The following CTNNA2 variants were observed in gnomAD, a reference collection of about 807,000 sequenced individuals.
CTNNA2 encodes the protein catenin alpha 2.
CTNNA2 carries 42 observed loss-of-function variants against 101.0 expected under a neutral mutation model. The ratio of observed to expected loss-of-function variants is 0.42; its 90% CI spans 0.32 to 0.54. The LOEUF (loss-of-function observed/expected upper bound fraction) is 0.54. Among genes scored for constraint, CTNNA2 ranks in the 20% least tolerant of loss-of-function variants. The pLI is 0.14. For missense variants in CTNNA2, 871 were observed against 1,223.1 expected, an observed-to-expected ratio of 0.71 and a Z score of 4.29; for synonymous variants, 450 against 456.4, an observed-to-expected ratio of 0.99 and a Z score of 0.18.
At chr2:79,217,567 C>T (rs919531411) in intron 2 of CTNNA2, among the ~76,000 whole-genome samples, 1 of 152,090 alleles carries the variant, frequency 6.6e-6, no homozygotes, top group African/African-American at 2.4e-5. Context: ...AGGAATTTCA[C>T]AAGGAGTTAA....
At chr2:79,720,489 T>C (rs557689230) in intron 2 of CTNNA2, among the ~76,000 whole-genome samples, 2 of 152,264 alleles carry the variant, frequency 1.3e-5, no homozygotes, top group South Asian at 2.1e-4. Flanking sequence ...GGCACTATGG[T>C]CATTTTAACA....
intron 1 of CTNNA2, among the ~76,000 whole-genome samples, chr2:79,535,446 C>T (rs953145568): frequency 1.6e-4 from 25 of 152,056 alleles, no homozygotes; most frequent in Non-Finnish European, 2.8e-4. Context: ...CCTCGTGATC[C>T]GCCTGCCTCA....
At chr2:79,810,073 A>T (rs551156912) in intron 3 of CTNNA2, among the ~76,000 whole-genome samples, 6 of 152,340 alleles carry the variant, frequency 3.9e-5, no homozygotes, top group South Asian at 2.1e-4. Flanking sequence ...ACAAGTAACA[A>T]TATTAACCTT....
At chr2:79,747,487 G>C (rs1055513790) in intron 3 of CTNNA2, among the ~76,000 whole-genome samples, 2 of 152,170 alleles carry the variant, frequency 1.3e-5, no homozygotes, top group Admixed American at 6.5e-5. Context: ...ATAGTAGAGA[G>C]TGGTTTGATT....
rs61186189 is a variant in CTNNA2 at position 80,547,690 on chromosome 2, C to CTTTTTTTTTTTTTTTTTTTTTTT, written c.1540+1643_1540+1644insTTTTTTTTTTTTTTTTTTTTTTT. ...AGAACTCAATATATTGTCACTTCTG[C>CTTTTTTTTTTTTTTTTTTTTTTT]TTTTTTTTTTTTTTTTGAGATGGAG... On this transcript the variant is annotated intron_variant, in intron 11 of 18. Coordinates refer to ENST00000402739, the MANE Select transcript of CTNNA2 (RefSeq NM_001282597.3). 1.6e-5 allele frequency among the ~76,000 whole-genome samples: 2 copies of CTTTTTTTTTTTTTTTTTTTTTTT among 124,314 alleles called. 1 individual carries two copies. The allele number at this position is 124,314 out of a possible 152,430, so 81.6% of individuals were successfully genotyped here. A position where few individuals can be genotyped will look rare whatever the true frequency, so the allele number is the denominator to read the frequency against.
chr2:80,571,459 A>T (rs1043833211), intron 12 of CTNNA2, among the ~76,000 whole-genome samples: 1 of 152,210 alleles, frequency 6.6e-6, no homozygotes, highest in African/African-American at 2.4e-5. Flanking sequence ...TCAAAGATAC[A>T]AAAAGAACAA....
At chr2:80,275,575 A>G (rs1167388015) in intron 7 of CTNNA2, among the ~76,000 whole-genome samples, 1 of 152,166 alleles carries the variant, frequency 6.6e-6, no homozygotes, top group Non-Finnish European at 1.5e-5. Flanking sequence ...GTAATGAAAA[A>G]GGAGTTGTTG....
Position 80,499,363 on chromosome 2 carries a change from A to G in CTNNA2, c.1291-45619A>G, listed in dbSNP as rs887508633. ...GCTCAAGATTCTGCTTTGTTTGTAC[A>G]TTATTCAAGTTTTTAAAAATGTTCA... On this transcript the variant is annotated intron_variant, in intron 9 of 18. Coordinates refer to ENST00000402739, the MANE Select transcript of CTNNA2 (RefSeq NM_001282597.3). Among the ~76,000 whole-genome samples the G allele has an allele frequency of 3.9e-5, 6 of 152,284 alleles. No individual in the cohort carries two copies. In the South Asian group the frequency reaches 8.3e-4, roughly 21 times the overall value.
At chr2:79,601,502 C>CT (rs1677551062) in intron 1 of CTNNA2, among the ~76,000 whole-genome samples, 1 of 152,166 alleles carries the variant, frequency 6.6e-6, no homozygotes, top group Admixed American at 6.5e-5. Flanking sequence ...GCTCCATAGC[C>CT]TGAGAGAGAG....
At chr2:79,955,062 G>A (rs181441684) in intron 7 of CTNNA2, among the ~76,000 whole-genome samples, 2 of 152,246 alleles carry the variant, frequency 1.3e-5, no homozygotes, top group East Asian at 3.9e-4. Context: ...AACCAAACCA[G>A]AGGTTACCCT....
At chr2:79,218,311 T>TG (rs1674293315) in intron 2 of CTNNA2, among the ~76,000 whole-genome samples, 1 of 114,770 alleles carries the variant, frequency 8.7e-6, no homozygotes, top group East Asian at 3.2e-4. Context: ...TTCATGAACT[T>TG]TGTGTGTGTG....
intron 7 of CTNNA2, among the ~76,000 whole-genome samples, chr2:80,385,854 C>T (rs1676947901): frequency 6.6e-6 from 1 of 152,214 alleles, no homozygotes; most frequent in Middle Eastern, 3.4e-3. Flanking sequence ...AAATATGTCT[C>T]CTTCCTAATA....
chr2:80,305,675 G>A (rs924830284), intron 7 of CTNNA2, among the ~76,000 whole-genome samples: 4 of 151,998 alleles, frequency 2.6e-5, no homozygotes, highest in African/African-American at 2.4e-5. Context: ...TTATAGATAG[G>A]AGTCCTTACA....
chr2:79,957,396 G>A (rs1039348162), intron 7 of CTNNA2, among the ~76,000 whole-genome samples: 6 of 152,252 alleles, frequency 3.9e-5, no homozygotes, highest in South Asian at 2.1e-4. Context: ...GGCACCAGCA[G>A]GAGATGGAGG....
chr2:80,044,719 C>G (rs1696401148), intron 7 of CTNNA2, among the ~76,000 whole-genome samples: 1 of 152,152 alleles, frequency 6.6e-6, no homozygotes, highest in Non-Finnish European at 1.5e-5. Flanking sequence ...CCATAAGACT[C>G]AGCTCTTTGC....
At chr2:79,389,160 T>C (rs1452576199) in intron 4 of CTNNA2, among the ~76,000 whole-genome samples, 1 of 152,212 alleles carries the variant, frequency 6.6e-6, no homozygotes, top group Non-Finnish European at 1.5e-5. Flanking sequence ...AAATATGTGC[T>C]TTGTTTTTTA....
chr2:80,226,698 C>G (rs1708908335), intron 7 of CTNNA2, among the ~76,000 whole-genome samples: 1 of 152,154 alleles, frequency 6.6e-6, no homozygotes, highest in African/African-American at 2.4e-5. Context: ...CAGGAAGGAC[C>G]TGATGGAGGT....
rs184653032 is a variant in CTNNA2, at chr2:79,853,325, T to G, written c.299-4688T>G. Among the ~76,000 whole-genome samples, 547 of 152,236 alleles carry G rather than the reference T, an allele frequency of 3.6e-3. 4 individuals are homozygous for G. Among genetic ancestry groups the G allele is most frequent in the African/African-American group, 0.013 (527 of 41,554 alleles). ...CAATTTGATTTTTAAATTTTTTTTG[T>G]AGAGATAGGGTCTCACTAGGTTGAC... On this transcript the variant is annotated intron_variant, in intron 3 of 18. Coordinates refer to ENST00000402739, the MANE Select transcript of CTNNA2 (RefSeq NM_001282597.3).
intron 1 of CTNNA2, chr2:79,195,856 C>T (rs1440825833): frequency 2.0e-6 from 1 of 510,766 alleles, no homozygotes; most frequent in South Asian, 1.4e-5. Context: ...AGTTCTAGAC[C>T]TTCAAATATA....
Sources: gnomAD v4.1 joint callset for allele counts (sites outside exome capture counted in the v4.1 genomes callset) on GRCh38, gnomAD v4.1.1 for gene constraint, MANE v1.5 for transcripts, NCBI Gene and HGNC (gene_info 2026-07-23, HGNC 2026-07-21) for gene names.